The following ADARB2 variants were observed in gnomAD, a reference collection of about 807,000 sequenced individuals.
ADARB2 encodes adenosine deaminase RNA specific B2 (inactive).
ADARB2 carries 25 observed loss-of-function variants against 62.2 expected under a neutral mutation model. That is an observed-to-expected ratio of 0.40 (90% CI 0.29 to 0.56). ADARB2 has a LOEUF of 0.56. Ranked by LOEUF, ADARB2 falls within the 20% of genes least tolerant of loss-of-function variation. The probability of loss-of-function intolerance (pLI) is 0.43; values close to 1 mark genes in which losing one functional copy is unlikely to be tolerated. For missense variants in ADARB2, 1,071 were observed against 1,077.4 expected (o/e 0.99, Z 0.08); for synonymous variants, 572 against 500.8 (o/e 1.14, Z -1.90).
At chr10:1,696,152 G>GTATA (rs765925017) in intron 1 of ADARB2, among the ~76,000 whole-genome samples, 7 of 150,192 alleles carry the variant, frequency 4.7e-5, no homozygotes, top group African/African-American at 1.7e-4. Flanking sequence ...TATATTGTGT[G>GTATA]TATGTGTTTG....
At chr10:1,387,221 A>T (rs1832532595) in intron 1 of ADARB2, among the ~76,000 whole-genome samples, 1 of 151,986 alleles carries the variant, frequency 6.6e-6, no homozygotes, top group Admixed American at 6.5e-5. Context: ...AAAAGAGAGT[A>T]CATCAAACCA....
chr10:1,482,809 T>G (rs73580367), intron 1 of ADARB2, among the ~76,000 whole-genome samples: 5,927 of 152,004 alleles, frequency 0.039, 383 homozygotes, highest in African/African-American at 0.13. Context: ...TGCAGGACCC[T>G]TCTTCCATCT....
chr10:1,359,452 C>T lies in ADARB2; in HGVS notation c.1077+3576G>A, dbSNP rs538179328. On this transcript the variant is annotated intron_variant, in intron 3 of 9. Coordinates refer to ENST00000381312, the MANE Select transcript of ADARB2 (RefSeq NM_018702.4). ...TGCAGGAAATAGTGAAAATCAGATA[C>T]GAAGAAGCCACACCTGTGATTTTAA... Among the ~76,000 whole-genome samples the T allele has an allele frequency of 4.1e-4, 62 of 152,310 alleles. 2 individuals carry two copies. Among genetic ancestry groups the T allele is most frequent in the African/African-American group, 1.4e-3 (58 of 41,562 alleles).
chr10:1,320,623 G>A (rs555297849), intron 3 of ADARB2, among the ~76,000 whole-genome samples: 1 of 152,322 alleles, frequency 6.6e-6, no homozygotes, highest in African/African-American at 2.4e-5. Flanking sequence ...TTTCCACAAT[G>A]AATTATTTGG....
chr10:1,214,124 G>A (rs1046777878), intron 7 of ADARB2, among the ~76,000 whole-genome samples: 2 of 108,818 alleles, frequency 1.8e-5, no homozygotes, highest in Non-Finnish European at 3.9e-5. Flanking sequence ...TGTGTCCAGC[G>A]TCATGTAGGT....
intron 1 of ADARB2, among the ~76,000 whole-genome samples, chr10:1,705,891 G>C (rs1306428482): frequency 6.6e-6 from 1 of 152,036 alleles, no homozygotes; most frequent in Non-Finnish European, 1.5e-5. Flanking sequence ...CTTAAGTATT[G>C]CTTCCCTAGC....
At chr10:1,496,318 C>G (rs1032656037) in intron 1 of ADARB2, among the ~76,000 whole-genome samples, 3 of 109,318 alleles carry the variant, frequency 2.7e-5, no homozygotes, top group African/African-American at 5.5e-5. Context: ...TCAACATCAT[C>G]ATTAGTATCA....
At chr10:1,463,322 G>A (rs578225288) in intron 1 of ADARB2, among the ~76,000 whole-genome samples, 8 of 152,274 alleles carry the variant, frequency 5.3e-5, no homozygotes, top group African/African-American at 7.2e-5. Context: ...TGTGGCCCTC[G>A]CTGATGAAGC....
intron 1 of ADARB2, among the ~76,000 whole-genome samples, chr10:1,445,474 C>G (rs1830959279): frequency 6.6e-6 from 1 of 151,848 alleles, no homozygotes; most frequent in South Asian, 2.1e-4. Context: ...CCCACCCATC[C>G]ATTCACCACC....
chr10:1,244,458 A>G (rs901444913), intron 4 of ADARB2, among the ~76,000 whole-genome samples: 1 of 152,160 alleles, frequency 6.6e-6, no homozygotes, highest in Non-Finnish European at 1.5e-5. Flanking sequence ...ATTCCGTGGA[A>G]ATTGGAGCTG....
intron 1 of ADARB2, among the ~76,000 whole-genome samples, chr10:1,641,092 C>T: frequency 6.6e-6 from 1 of 152,210 alleles, no homozygotes; most frequent in East Asian, 1.9e-4. Flanking sequence ...AAAACATTTT[C>T]ATAAACTACA....
intron 3 of ADARB2, among the ~76,000 whole-genome samples, chr10:1,302,153 G>A (rs1275540952): frequency 1.3e-5 from 2 of 152,228 alleles, no homozygotes; most frequent in African/African-American, 2.4e-5. Flanking sequence ...GACAGTGGGT[G>A]CAGGTCAGTG....
At chr10:1,311,467 C>T (rs771417561) in intron 3 of ADARB2, among the ~76,000 whole-genome samples, 5 of 151,758 alleles carry the variant, frequency 3.3e-5, no homozygotes, top group South Asian at 2.1e-4. Context: ...TGGGTTCTTC[C>T]GGGAAATGAA....
chr10:1,572,438 T>G (rs1832954823), intron 1 of ADARB2, among the ~76,000 whole-genome samples: 1 of 152,200 alleles, frequency 6.6e-6, no homozygotes, highest in Non-Finnish European at 1.5e-5. Flanking sequence ...TGCAGGAGGC[T>G]CTTCAGGAAC....
intron 1 of ADARB2, among the ~76,000 whole-genome samples, chr10:1,475,118 G>A (rs115095749): frequency 1.3e-5 from 2 of 152,138 alleles, no homozygotes. Context: ...ACGCGGCGTC[G>A]TCAAGCTCAG....
At chr10:1,358,076 G>A (rs1256727781) in intron 3 of ADARB2, among the ~76,000 whole-genome samples, 2 of 152,232 alleles carry the variant, frequency 1.3e-5, no homozygotes, top group African/African-American at 4.8e-5. Context: ...CAGACAGAGA[G>A]AGAAGGAGAA....
At chr10:1,676,770 G>A (rs962225494) in intron 1 of ADARB2, among the ~76,000 whole-genome samples, 1 of 109,042 alleles carries the variant, frequency 9.2e-6, no homozygotes, top group Non-Finnish European at 1.9e-5. Context: ...ACGGACACTC[G>A]TATTATTCAT....
chr10:1,597,251 A>G (rs1833347867), intron 1 of ADARB2, among the ~76,000 whole-genome samples: 2 of 152,184 alleles, frequency 1.3e-5, no homozygotes, highest in Admixed American at 1.3e-4. Context: ...GGATATGTGT[A>G]TATAGCAAAA....
Position 1,363,973 on chromosome 10 carries a change from G to C in ADARB2, c.188-56C>G, listed in dbSNP as rs1588233193. On this transcript the variant is annotated intron_variant, in intron 2 of 9. Transcript: ENST00000381312. ...TGGGCGGGCGCCGGCAGGTCGATGG[G>C]CACAGCAGGCACTCCCTGAGGGTCC... 5 of 1,411,604 alleles carry C rather than the reference G, an allele frequency of 3.5e-6. No homozygotes were observed. In the East Asian group the frequency reaches 1.4e-4, roughly 38 times the overall value. The allele number at this position is 1,411,604 out of a possible 1,614,324, so 87.4% of individuals were successfully genotyped here.
Sources: allele counts gnomAD v4.1 joint callset (sites outside exome capture counted in the v4.1 genomes callset), GRCh38; gene constraint gnomAD v4.1.1; transcripts MANE v1.5; gene names NCBI Gene and HGNC (gene_info 2026-07-23, HGNC 2026-07-21).